DOCK1: variants seen among roughly 807,000 people sequenced by gnomAD.
DOCK1 encodes dedicator of cytokinesis protein 1.
In DOCK1, 138 loss-of-function variants were observed where a neutral mutation model predicts 262.7. The ratio of observed to expected loss-of-function variants is 0.53; its 90% confidence interval spans 0.46 to 0.61. DOCK1 has a LOEUF of 0.61. DOCK1 is among the 20% of genes least tolerant of loss of function. DOCK1 has a pLI of 0.00. For missense variants in DOCK1, 1,908 were observed against 2,370.7 expected (o/e 0.80, Z 4.05); for synonymous variants, 866 against 867.4 (o/e 1.00, Z 0.03).
intron 13 of DOCK1, among the ~76,000 whole-genome samples, chr10:127,021,148 T>C (rs987125844): frequency 1.3e-5 from 2 of 152,164 alleles, no homozygotes; most frequent in African/African-American, 4.8e-5. Flanking sequence ...GTGCTGGCCC[T>C]GGAGTAACGC....
Position 127,012,457 on chromosome 10 carries a change from G to T in DOCK1, c.1201+83G>T, listed in dbSNP as rs1156637421. Reference sequence around the variant, plus strand: ...CTGTCTGGGTTGGTTTTAGTTTGATGTTGATCATGATGGTGGTGATAATGA... The same window carrying T: ...CTGTCTGGGTTGGTTTTAGTTTGATTTTGATCATGATGGTGGTGATAATGA... On this transcript the variant is annotated intron_variant, in intron 12 of 51. Coordinates refer to ENST00000623213, the MANE Select transcript of DOCK1 (RefSeq NM_001290223.2). This position sits in a 1 kb window ranked among gnomAD's most constrained non-coding sequence, Gnocchi z 4.0. 6.6e-6 allele frequency: 8 copies of T among 1,218,018 alleles called. No individual in the cohort carries two copies. Among genetic ancestry groups the T allele is most frequent in the Non-Finnish European group, 9.6e-6 (8 of 835,710 alleles). 75.5% of individuals were successfully genotyped at this position (1,218,018 alleles called of 1,614,324 possible). A position where few individuals can be genotyped will look rare whatever the true frequency, so the allele number is the denominator to read the frequency against.
intron 29 of DOCK1, among the ~76,000 whole-genome samples, chr10:127,294,571 C>T (rs1288780009): frequency 6.6e-6 from 1 of 152,126 alleles, no homozygotes; most frequent in South Asian, 2.1e-4. Context: ...ATCCACCCAC[C>T]CTGGCCTCCC....
chr10:126,993,023 G>A (rs2039923440), intron 6 of DOCK1, among the ~76,000 whole-genome samples: 1 of 152,224 alleles, frequency 6.6e-6, no homozygotes, highest in Non-Finnish European at 1.5e-5. Flanking sequence ...TTTGCATGTG[G>A]CATTCTGGAA....
At chr10:127,074,781 A>AT (rs981636348) in intron 23 of DOCK1, among the ~76,000 whole-genome samples, 5 of 152,194 alleles carry the variant, frequency 3.3e-5, no homozygotes, top group Non-Finnish European at 5.9e-5. Context: ...AGTCTCGTTG[A>AT]TTTTTGAAAA....
intron 46 of DOCK1, among the ~76,000 whole-genome samples, chr10:127,420,700 G>A (rs1011166898): frequency 2.2e-4 from 33 of 151,868 alleles, no homozygotes; most frequent in African/African-American, 6.0e-4. Context: ...TTAGCTGGGC[G>A]TGGTGGTGCA....
At chr10:127,384,284 G>C (rs1001412740) in intron 37 of DOCK1, among the ~76,000 whole-genome samples, 2 of 152,198 alleles carry the variant, frequency 1.3e-5, no homozygotes, top group Non-Finnish European at 2.9e-5. Context: ...GCCAAACCCT[G>C]ACTCTGTGCC....
intron 21 of DOCK1, among the ~76,000 whole-genome samples, chr10:127,046,131 C>T (rs1422932876): frequency 6.6e-6 from 1 of 151,980 alleles, no homozygotes; most frequent in East Asian, 1.9e-4. Context: ...AAAATGTGTT[C>T]TATGGAATGT....
rs756000164 is a variant in DOCK1 at position 127,384,877 on chromosome 10, C to G, written c.3895C>G (p.Gln1299Glu). 6.2e-7 allele frequency: 1 copy of G among 1,605,050 alleles called. No homozygotes were observed. Among genetic ancestry groups the G allele is most frequent in the Admixed American group, 1.7e-5 (1 of 57,222 alleles). ...GGGACAGCTGAAGGAGCAGCTCTAC[C>G]AGGAAATCATCCACTACTTCGACAA... ...TQGQLKEQLYQEIIHYFDKGK... is the reference protein window; with the variant it reads ...TQGQLKEQLYEEIIHYFDKGK... The change falls in exon 38 of 52, where the codon CAG becomes GAG. Residue 1299 changes from glutamine to glutamate, a missense_variant. Gln to Glu is a conservative substitution (Grantham distance 29). Transcript: ENST00000623213.
At chr10:126,967,988 G>T (rs552658349) in intron 1 of DOCK1, among the ~76,000 whole-genome samples, 3 of 152,012 alleles carry the variant, frequency 2.0e-5, no homozygotes, top group Admixed American at 6.6e-5. Context: ...TATTTTTCTT[G>T]TAATTTTAGT....
chr10:127,032,984 C>T (rs9418803), intron 18 of DOCK1, among the ~76,000 whole-genome samples: 1 of 152,082 alleles, frequency 6.6e-6, no homozygotes, highest in African/African-American at 2.4e-5. Flanking sequence ...TGGAATCGGA[C>T]CATAGCCCTG....
intron 22 of DOCK1, among the ~76,000 whole-genome samples, chr10:127,060,237 A>G (rs1038905898): frequency 6.6e-6 from 1 of 152,238 alleles, no homozygotes; most frequent in East Asian, 1.9e-4. Flanking sequence ...GAGGGGAAAA[A>G]TGATTGCAGC....
chr10:127,306,186 T>C (rs890676877), intron 29 of DOCK1, among the ~76,000 whole-genome samples: 1 of 152,116 alleles, frequency 6.6e-6, no homozygotes, highest in Non-Finnish European at 1.5e-5. Context: ...AGCTATTTTT[T>C]GTATTTTTAG....
chr10:127,434,942 GCGC>G (rs2069576432), intron 48 of DOCK1, among the ~76,000 whole-genome samples: 1 of 152,026 alleles, frequency 6.6e-6, no homozygotes, highest in Admixed American at 6.6e-5. Flanking sequence ...GTGAGCCACC[GCGC>G]CTGGCCAACG....
chr10:127,317,113 A>G (rs1219329414), intron 29 of DOCK1, among the ~76,000 whole-genome samples: 1 of 152,150 alleles, frequency 6.6e-6, no homozygotes, highest in Non-Finnish European at 1.5e-5. Context: ...TTCTGGACCC[A>G]CAGTATGTAT....
At chr10:127,355,200 G>A (rs926873054) in intron 32 of DOCK1, among the ~76,000 whole-genome samples, 2 of 150,254 alleles carry the variant, frequency 1.3e-5, no homozygotes, top group African/African-American at 4.9e-5. Context: ...AAGGGTCTGT[G>A]TGTGTATATG....
At chr10:127,318,781 C>T (rs1174742505) in intron 29 of DOCK1, among the ~76,000 whole-genome samples, 4 of 152,198 alleles carry the variant, frequency 2.6e-5, no homozygotes, top group African/African-American at 9.7e-5. Context: ...TAGGCAGGGG[C>T]TCAGATAGTA....
At chr10:126,938,581 C>T (rs1472561645) in intron 1 of DOCK1, among the ~76,000 whole-genome samples, 1 of 152,118 alleles carries the variant, frequency 6.6e-6, no homozygotes, top group African/African-American at 2.4e-5. Flanking sequence ...ATTTGTGCTG[C>T]TAGGACAACA....
intron 49 of DOCK1, among the ~76,000 whole-genome samples, chr10:127,439,637 C>T (rs186276934): frequency 3.3e-5 from 5 of 152,280 alleles, no homozygotes; most frequent in East Asian, 1.9e-4. Context: ...AAGCTAGTTA[C>T]GGCCCAAGTG....
At chr10:126,943,695 G>C (rs2035186135) in intron 1 of DOCK1, among the ~76,000 whole-genome samples, 1 of 152,154 alleles carries the variant, frequency 6.6e-6, no homozygotes, top group Non-Finnish European at 1.5e-5. Flanking sequence ...GTGAATGGTA[G>C]GAGGGAGAAA....
Sources: gnomAD v4.1 joint callset for allele counts (sites outside exome capture counted in the v4.1 genomes callset) on GRCh38, gnomAD v4.1.1 for gene constraint, Gnocchi (gnomAD v3.1) non-coding constraint, MANE v1.5 for transcripts, NCBI Gene and HGNC (gene_info 2026-07-23, HGNC 2026-07-21) for gene names.